PCDHGB4: variants seen among roughly 807,000 people sequenced by gnomAD.
PCDHGB4 encodes protocadherin gamma-B4.
A neutral mutation model predicts 60.5 loss-of-function variants in PCDHGB4; 38 were observed. The observed-to-expected ratio is 0.63, with a 90% CI of 0.48 to 0.82. PCDHGB4 has a LOEUF of 0.82. PCDHGB4 is among the 40% of genes least tolerant of loss of function. The probability of loss-of-function intolerance (pLI) is 0.00; values close to 1 mark genes in which losing one functional copy is unlikely to be tolerated. For missense variants in PCDHGB4, 1,109 were observed against 1,209.6 expected, an observed-to-expected ratio of 0.92 and a Z score of 1.23; for synonymous variants, 456 against 509.7, an observed-to-expected ratio of 0.89 and a Z score of 1.42.
chr5:141,446,639 G>C (rs1461520959), intron 1 of PCDHGB4, among the ~76,000 whole-genome samples: 1 of 152,116 alleles, frequency 6.6e-6, no homozygotes, highest in Non-Finnish European at 1.5e-5. Context: ...ACCACGCCTG[G>C]CTAATTTTTG....
At position 141,491,489 on chromosome 5, in the gene PCDHGB4, A is replaced by T; in HGVS notation, c.2398-3318A>T. 1.2e-6 allele frequency: 2 copies of T among 1,614,130 alleles called. No individual in the cohort carries two copies. Among genetic ancestry groups the T allele is most frequent in the Non-Finnish European group, 1.7e-6 (2 of 1,180,018 alleles). On this transcript the variant is annotated intron_variant, in intron 1 of 3. Coordinates refer to ENST00000519479, the MANE Select transcript of PCDHGB4 (RefSeq NM_003736.4). This position sits in a 1 kb window ranked among gnomAD's most constrained non-coding sequence, Gnocchi z 6.9. ...TATAAGCAGTCCAGCCCCAACCTGC[A>T]GGTGAGCTCGGACGGCACGCTCAAG... is the stretch of plus-strand genomic sequence containing the variant.
In PCDHGB4 at chr5:141,388,188, T is replaced by C; in HGVS notation, c.304T>C (p.Cys102Arg). 1 of 1,540,372 alleles carries C rather than the reference T, an allele frequency of 6.5e-7. No individual in the cohort carries two copies. The highest frequency in any genetic ancestry group is 1.1e-5 in the South Asian group (1 of 88,574). Residue 102 changes from cysteine to arginine, a missense_variant, in exon 1 of 4, where the codon TGT becomes CGT. Physicochemically the swap from Cys to Arg is radical, Grantham distance 180. Coordinates refer to ENST00000519479, the MANE Select transcript of PCDHGB4 (RefSeq NM_003736.4). ...REEICGKKPA[C>R]ALEFEAVAEN... is the part of the protein sequence containing the mutation. The stretch of plus-strand genomic sequence containing the variant: ...GGAGATATGCGGGAAGAAGCCAGCT[T>C]GTGCTCTGGAATTTGAGGCTGTTGC...
At chr5:141,469,671 A>T (rs1285283342) in intron 1 of PCDHGB4, among the ~76,000 whole-genome samples, 3 of 152,236 alleles carry the variant, frequency 2.0e-5, no homozygotes, top group Admixed American at 1.3e-4. Flanking sequence ...TTCTAATAAA[A>T]CTACATATGC....
chr5:141,471,926 G>A (rs2099266798), intron 1 of PCDHGB4, among the ~76,000 whole-genome samples: 2 of 152,110 alleles, frequency 1.3e-5, no homozygotes. Flanking sequence ...AATTTTGGGG[G>A]TGATGAGAGT....
At chr5:141,391,973 G>A (rs1461017619) in intron 1 of PCDHGB4, 2 of 152,056 alleles carry the variant, frequency 1.3e-5, no homozygotes, top group Non-Finnish European at 2.9e-5. Context: ...AAATAAAATA[G>A]CAAAACAATG....
At chr5:141,414,531 C>A in intron 1 of PCDHGB4, 1 of 1,613,960 alleles carries the variant, frequency 6.2e-7, no homozygotes, top group Non-Finnish European at 8.5e-7. Context: ...TCAATGACAA[C>A]CCACCTACCT....
intron 1 of PCDHGB4, chr5:141,419,785 G>A (rs1268841728): frequency 1.2e-6 from 2 of 1,613,934 alleles, no homozygotes; most frequent in Non-Finnish European, 1.7e-6. Flanking sequence ...GCCAGCGCCT[G>A]CTAGTCGCTG....
intron 1 of PCDHGB4, chr5:141,415,740 G>GTTTTTTTTTTTTTTTTTTTTTTTTT: frequency 1.8e-5 from 11 of 617,990 alleles, no homozygotes; most frequent in Non-Finnish European, 2.4e-5. Context: ...GTTTATTAAG[G>GTTTTTTTTTTTTTTTTTTTTTTTTT]TTTTTTTTTT....
In PCDHGB4 at chr5:141,415,213, G is replaced by A. The variant is rs750613524; in HGVS notation, c.2397+24932G>A. On this transcript the variant is annotated intron_variant, in intron 1 of 3. Coordinates refer to ENST00000519479, the MANE Select transcript of PCDHGB4 (RefSeq NM_003736.4). ...CATCCCCCAAGTCCTGGCGGACCTC[G>A]GCAGCTTCGAGTCTCCAGCTAACTC... 1.9e-6 allele frequency: 3 copies of A among 1,614,074 alleles called. No individual in the cohort carries two copies. In the East Asian group the frequency reaches 6.7e-5, roughly 36 times the overall value.
At chr5:141,430,379 T>C (rs1174248880) in intron 1 of PCDHGB4, among the ~76,000 whole-genome samples, 1 of 149,570 alleles carries the variant, frequency 6.7e-6, no homozygotes, top group Non-Finnish European at 1.5e-5. Flanking sequence ...AAAAAGCTCA[T>C]TGGGAAAAAA....
rs756761584 is a variant in PCDHGB4 at position 141,476,545 on chromosome 5, G to A, written c.2398-18262G>A. 13 of 1,614,230 alleles carry A rather than the reference G, an allele frequency of 8.1e-6. No homozygotes were observed. The Admixed American group carries it at 2.2e-4, about 27-fold the overall frequency. On this transcript the variant is annotated intron_variant, in intron 1 of 3. Coordinates refer to ENST00000519479, the MANE Select transcript of PCDHGB4 (RefSeq NM_003736.4). This position sits in a 1 kb window ranked among gnomAD's most constrained non-coding sequence, Gnocchi z 7.6. ...TCCCTACCCAGGAAATGAAATTGGA[G>A]ATTAGCGAGGCCGTGGCTCCGGGGA...
At position 141,423,614 on chromosome 5, in the gene PCDHGB4, A is replaced by C. The variant is rs1365658002; in HGVS notation, c.2397+33333A>C. 8 of 1,610,406 alleles carry C rather than the reference A, an allele frequency of 5.0e-6. No homozygotes were observed. The highest frequency in any genetic ancestry group is 6.8e-6 in the Non-Finnish European group (8 of 1,178,132). ...AAAAGCGAGCCACTCTTGATAGCTG[A>C]AGACTCAGCTATCATTTTAGGCAAA... On this transcript the variant is annotated intron_variant, in intron 1 of 3. Transcript: ENST00000519479.
At chr5:141,427,938 G>A in intron 1 of PCDHGB4, 1 of 1,584,968 alleles carries the variant, frequency 6.3e-7, no homozygotes, top group South Asian at 1.1e-5. Context: ...GTTGGTGGGC[G>A]ACCTCAATGA....
rs1432960207 is a variant in PCDHGB4, at chr5:141,477,648, C to A, written c.2398-17159C>A. On this transcript the variant is annotated intron_variant, in intron 1 of 3. Coordinates refer to ENST00000519479, the MANE Select transcript of PCDHGB4 (RefSeq NM_003736.4). This position sits in a 1 kb window ranked among gnomAD's most constrained non-coding sequence, Gnocchi z 4.9. ...ACCGGGCTAGTGGGTCGCTATTTCA[C>A]AATAAATCGTGACAATGGCATAGTG... is the stretch of plus-strand genomic sequence containing the variant. 7 of 1,614,046 alleles carry A rather than the reference C, an allele frequency of 4.3e-6. No homozygotes were observed. Among genetic ancestry groups the A allele is most frequent in the Non-Finnish European group, 5.9e-6 (7 of 1,180,044 alleles).
intron 1 of PCDHGB4, chr5:141,400,212 C>A (rs773459521): frequency 6.2e-7 from 1 of 1,614,058 alleles, no homozygotes; most frequent in East Asian, 2.2e-5. Context: ...TGGCCTTGAT[C>A]TCAGTGCTCT....
Position 141,389,169 on chromosome 5 carries a change from C to T in PCDHGB4, c.1285C>T (p.Pro429Ser). ...TACGGCAACAGATCGGGGCAAGCCT[C>T]CCCTCTCCTCCAGTTCCAGCATCAC... The part of the protein sequence containing the change: ...TVTATDRGKP[P>S]LSSSSSITLH... The change falls in exon 1 of 4, where the codon CCC becomes TCC. Residue 429 changes from proline to serine, a missense_variant. Pro to Ser is a moderately conservative substitution (Grantham distance 74, BLOSUM62 -1). This residue lies in a region of PCDHGB4 where 1,068 missense variants were observed against 1,089.9 expected (regional missense o/e 0.98). Coordinates refer to ENST00000519479, the MANE Select transcript of PCDHGB4 (RefSeq NM_003736.4). 2 of 1,614,028 alleles carry T rather than the reference C, an allele frequency of 1.2e-6. No homozygotes were observed. Among genetic ancestry groups the T allele is most frequent in the Non-Finnish European group, 1.7e-6 (2 of 1,179,892 alleles).
At chr5:141,414,489 G>A (rs754325517) in intron 1 of PCDHGB4, 33 of 1,613,754 alleles carry the variant, frequency 2.0e-5, no homozygotes, top group Middle Eastern at 1.6e-4. Flanking sequence ...CTCTATCAAC[G>A]GAAGCTCACT....
Position 141,490,055 on chromosome 5 carries a change from G to A in PCDHGB4, c.2398-4752G>A, listed in dbSNP as rs746297447. The A allele has an allele frequency of 1.9e-6, 3 of 1,614,068 alleles. No individual in the cohort carries two copies. The Admixed American group carries it at 5.0e-5, about 27-fold the overall frequency. On this transcript the variant is annotated intron_variant, in intron 1 of 3. Transcript: ENST00000519479. This position sits in a 1 kb window ranked among gnomAD's most constrained non-coding sequence, Gnocchi z 5.4. ...CTCAATGCCACTGATCCAGACGAGG[G>A]CACCAACGGCCAACTAGACTATTCT...
intron 1 of PCDHGB4, among the ~76,000 whole-genome samples, chr5:141,463,135 C>T (rs1352400365): frequency 6.6e-6 from 1 of 152,246 alleles, no homozygotes; most frequent in Middle Eastern, 3.4e-3. Context: ...GGCAGTTCTT[C>T]GCCCAGCTGC....
Sources: allele counts gnomAD v4.1 joint callset (sites outside exome capture counted in the v4.1 genomes callset), GRCh38; gene constraint gnomAD v4.1.1; regional missense constraint gnomAD v4.1.1; non-coding constraint Gnocchi (gnomAD v3.1); transcripts MANE v1.5; gene names NCBI Gene and HGNC (gene_info 2026-07-23, HGNC 2026-07-21).